PMM2: variants seen among roughly 807,000 people sequenced by gnomAD.
PMM2 encodes the protein mannose-6-phosphate isomerase.
In PMM2, 35 loss-of-function variants were observed where a neutral mutation model predicts 33.2. That is an observed-to-expected ratio of 1.06 (90% CI 0.81 to 1.40). The LOEUF is 1.40. Ranked by LOEUF, PMM2 falls within the 40% of genes most tolerant of loss-of-function variation. PMM2 has a pLI of 0.00. For synonymous variants in PMM2, 153 were observed against 114.7 expected (o/e 1.33, Z -2.13); for missense variants, 386 against 306.0 (o/e 1.26, Z -1.95).
chr16:8,805,132 A>G (rs1025005875), intron 3 of PMM2, among the ~76,000 whole-genome samples: 1 of 152,188 alleles, frequency 6.6e-6, no homozygotes, highest in Non-Finnish European at 1.5e-5. Context: ...ATCTCAGCTC[A>G]CTACAACCTC....
At chr16:8,820,566 C>T (rs561885030) in intron 7 of PMM2, among the ~76,000 whole-genome samples, 119 of 152,220 alleles carry the variant, frequency 7.8e-4, no homozygotes, top group African/African-American at 2.8e-3. Flanking sequence ...CTTGGCCAGG[C>T]TGGTCTTGAA....
chr16:8,817,807 T>C (rs971936742), intron 7 of PMM2, among the ~76,000 whole-genome samples: 8 of 152,190 alleles, frequency 5.3e-5, no homozygotes, highest in Admixed American at 5.2e-4. Flanking sequence ...ATGTATATGA[T>C]CCCAAAAGTG....
chr16:8,811,270 CT>C, intron 5 of PMM2, 92 bp downstream of exon 5: 1 of 876,816 alleles, frequency 1.1e-6, no homozygotes. Context: ...AATCCCAACA[CT>C]TTGGGAGGCC....
chr16:8,832,241 G>A lies in PMM2; in HGVS notation c.640-15483G>A, dbSNP rs2060814490. On this transcript the variant is annotated intron_variant, in intron 7 of 7. Transcript: ENST00000268261. ...CTTGGCGGGAGAGAAAGGAAGGCCTGAGGCAGGTTGTGTTTGTGATGCAGA... is the reference window on the plus strand; with the variant it reads ...CTTGGCGGGAGAGAAAGGAAGGCCTAAGGCAGGTTGTGTTTGTGATGCAGA... 3 of 985,444 alleles carry A rather than the reference G, an allele frequency of 3.0e-6. No homozygotes were observed. The South Asian group carries it at 1.4e-4, about 46-fold the overall frequency. The allele number at this position is 985,444 out of a possible 1,614,324, so 61.0% of individuals were successfully genotyped here.
At chr16:8,834,259 C>A (rs1333989270) in intron 7 of PMM2, among the ~76,000 whole-genome samples, 3 of 152,162 alleles carry the variant, frequency 2.0e-5, no homozygotes, top group Admixed American at 2.0e-4. Context: ...TCCATTCTAC[C>A]TTTCCTGAAG....
intron 7 of PMM2, among the ~76,000 whole-genome samples, chr16:8,827,928 ATAAT>A (rs2060786443): frequency 6.0e-5 from 4 of 66,560 alleles, no homozygotes; most frequent in Non-Finnish European, 3.0e-5. Context: ...TGTTTTATAT[ATAAT>A]ATATATTTAT....
At chr16:8,835,596 C>CA (rs201869908) in intron 7 of PMM2, among the ~76,000 whole-genome samples, 3,458 of 152,028 alleles carry the variant, frequency 0.023, 134 homozygotes, top group African/African-American at 0.078. Flanking sequence ...GGTGGATAGG[C>CA]AAAACAATTT....
intron 7 of PMM2, among the ~76,000 whole-genome samples, chr16:8,833,286 G>C (rs1246473654): frequency 1.3e-5 from 2 of 152,188 alleles, no homozygotes; most frequent in African/African-American, 4.8e-5. Flanking sequence ...CTTCTTAAGG[G>C]TGGGGGAGAT....
chr16:8,798,953 T>C (rs1251697922), intron 1 of PMM2, among the ~76,000 whole-genome samples: 3 of 152,208 alleles, frequency 2.0e-5, no homozygotes, highest in African/African-American at 4.8e-5. Context: ...TACCTAGTGA[T>C]GACGCTCAAC....
At chr16:8,802,124 GT>G (rs1483747257) in intron 2 of PMM2, 1 of 548,050 alleles carries the variant, frequency 1.8e-6, no homozygotes, top group Admixed American at 2.2e-5. Context: ...ACTCAGATGT[GT>G]GAGTAGATTC....
chr16:8,808,595 C>G (rs989320212), intron 4 of PMM2: 1 of 152,210 alleles, frequency 6.6e-6, no homozygotes, highest in Non-Finnish European at 1.5e-5. Context: ...GAGCCCAGGT[C>G]TTTAGGGCGG....
chr16:8,830,924 A>C (rs1302278568), intron 7 of PMM2, among the ~76,000 whole-genome samples: 1 of 152,188 alleles, frequency 6.6e-6, no homozygotes, highest in Non-Finnish European at 1.5e-5. Context: ...CGATCACTTG[A>C]GGCCGGGAGT....
chr16:8,824,017 A>C (rs2060752360), intron 7 of PMM2, among the ~76,000 whole-genome samples: 1 of 152,268 alleles, frequency 6.6e-6, no homozygotes, highest in Non-Finnish European at 1.5e-5. Context: ...TGCACAAATA[A>C]TTATACTGCC....
intron 7 of PMM2, among the ~76,000 whole-genome samples, chr16:8,828,396 A>G (rs1187068347): frequency 6.6e-6 from 1 of 152,192 alleles, no homozygotes; most frequent in Non-Finnish European, 1.5e-5. Flanking sequence ...GCTGGGAACC[A>G]GACCCAGGCT....
At chr16:8,822,970 C>G (rs1356502095) in intron 7 of PMM2, among the ~76,000 whole-genome samples, 1 of 152,126 alleles carries the variant, frequency 6.6e-6, no homozygotes, top group East Asian at 1.9e-4. Flanking sequence ...CTCCAAGAAC[C>G]AATCAGACAT....
chr16:8,827,864 ATT>A (rs1175927568), intron 7 of PMM2, among the ~76,000 whole-genome samples: 10 of 90,950 alleles, frequency 1.1e-4, no homozygotes, highest in Admixed American at 4.9e-4. Context: ...TATGTTATAT[ATT>A]ATATATATGT....
intron 7 of PMM2, among the ~76,000 whole-genome samples, chr16:8,827,793 T>TGTATAATATA: frequency 1.8e-5 from 1 of 55,700 alleles, no homozygotes; most frequent in East Asian, 6.4e-4. Flanking sequence ...TTTATATATA[T>TGTATAATATA]TTATACATAT....
chr16:8,839,784 G>A (rs972346795), intron 7 of PMM2, among the ~76,000 whole-genome samples: 6 of 151,814 alleles, frequency 4.0e-5, no homozygotes, highest in Admixed American at 3.3e-4. Context: ...ATTACCTAGG[G>A]GAATTCCAGT....
chr16:8,832,381 C>T, intron 7 of PMM2: 1 of 985,370 alleles, frequency 1.0e-6, no homozygotes, highest in Non-Finnish European at 1.2e-6. Flanking sequence ...AATTGATTCT[C>T]CAGACCTAGC....
Sources: allele counts gnomAD v4.1 joint callset (sites outside exome capture counted in the v4.1 genomes callset), GRCh38; gene constraint gnomAD v4.1.1; transcripts MANE v1.5; gene names NCBI Gene and HGNC (gene_info 2026-07-23, HGNC 2026-07-21).